Variants in AXL observed in about 807,000 individuals in gnomAD.
The protein encoded by AXL is AXL receptor tyrosine kinase, also known as tyrosine-protein kinase receptor UFO.
A neutral mutation model predicts 104.5 loss-of-function variants in AXL; 52 were observed. The observed-to-expected ratio is 0.50, with a 90% CI of 0.40 to 0.63. The LOEUF (loss-of-function observed/expected upper bound fraction) is 0.63, where lower values mean the gene tolerates loss of function less well. Among genes scored for constraint, AXL ranks in the 20% least tolerant of loss-of-function variants. The pLI, the probability that AXL is intolerant of heterozygous loss-of-function variation, is 0.00. For synonymous variants in AXL, 455 were observed against 473.7 expected (o/e 0.96, Z 0.51); for missense variants, 1,024 against 1,188.5 (o/e 0.86, Z 2.04).
chr19:41,232,795 A>G (rs1418689687), intron 6 of AXL, among the ~76,000 whole-genome samples: 1 of 151,958 alleles, frequency 6.6e-6, no homozygotes, highest in Non-Finnish European at 1.5e-5. Context: ...AGAATGACCA[A>G]TTTCTACTGA....
chr19:41,221,087 C>A (rs2122196500), intron 2 of AXL, 59 bp from the exon 3 acceptor site: 2 of 1,494,866 alleles, frequency 1.3e-6, no homozygotes, highest in South Asian at 1.2e-5. Flanking sequence ...TCTGACAGAC[C>A]CCCTCCCAGT....
At chr19:41,256,024 C>T (rs201369651) in intron 17 of AXL, among the ~76,000 whole-genome samples, 4 of 152,142 alleles carry the variant, frequency 2.6e-5, no homozygotes, top group South Asian at 2.1e-4. Context: ...GGATTACAGG[C>T]GCCAGCCACC....
intron 14 of AXL, among the ~76,000 whole-genome samples, chr19:41,249,967 C>T (rs1013521836): frequency 6.6e-6 from 1 of 152,090 alleles, no homozygotes; most frequent in Non-Finnish European, 1.5e-5. Context: ...TTTCAGGGGC[C>T]GGCCCACTGT....
intron 18 of AXL, 145 bp from the exon 19 acceptor site, chr19:41,257,348 T>G: frequency 8.4e-7 from 1 of 1,190,352 alleles, no homozygotes; most frequent in Non-Finnish European, 1.2e-6. Flanking sequence ...CCGGCTAAAG[T>G]ATTATGTTTC....
rs2033983887 is a variant in AXL at position 41,231,276 on chromosome 19, C to A, written c.761C>A (p.Pro254His). The A allele has an allele frequency of 6.2e-7, 1 of 1,613,690 alleles. No individual in the cohort carries two copies. The highest frequency in any genetic ancestry group is 8.5e-7 in the Non-Finnish European group (1 of 1,179,716). ...ACTCCAGGCCTGAGCGGCATCTACC[C>A]CCTGACCCACTGCACCCTGCAGGTG... ...AWTPGLSGIY[P>H]LTHCTLQAVL... The change falls in exon 6 of 20, where the codon CCC (proline) becomes CAC (histidine). Residue 254 changes from proline to histidine, a missense_variant. Physicochemically the swap from Pro to His is moderately conservative, Grantham distance 77 (BLOSUM62 -2). This residue lies in a region of AXL where 332 missense variants were observed against 343.9 expected (regional missense o/e 0.97). Transcript: ENST00000301178.
At chr19:41,259,494 C>A in intron 19 of AXL, 59 bp from the exon 20 acceptor site, 1 of 1,456,312 alleles carries the variant, frequency 6.9e-7, no homozygotes, top group East Asian at 2.3e-5. Flanking sequence ...CCCAGGCTTC[C>A]AGAATGCACC....
rs116683121 is a variant in AXL at position 41,227,920 on chromosome 19, G to C, written c.587-3047G>C. On this transcript the variant is annotated intron_variant, in intron 4 of 19. Transcript: ENST00000301178. ...ACAGCACTGAGATGCTGGACAAAGG[G>C]GGGATTCACGTTCTAGGCCAACCAG... is the stretch of plus-strand genomic sequence containing the variant. Among the ~76,000 whole-genome samples, 112 of 152,292 alleles carry C rather than the reference G, an allele frequency of 7.4e-4. 3 individuals carry two copies. Among genetic ancestry groups the C allele is most frequent in the African/African-American group, 2.6e-3 (109 of 41,562 alleles).
In AXL at chr19:41,260,763, T is replaced by C. The variant is rs2034527225; in HGVS notation, c.*859T>C. On this transcript the variant is annotated 3_prime_UTR_variant, in exon 20 of 20. Coordinates refer to ENST00000301178, the MANE Select transcript of AXL (RefSeq NM_021913.5). ...CTATGAGTCTAGATGTTTATTCTTC[T>C]AGAGTTCAGAGTCCTTAAAATGTAA... is the stretch of plus-strand genomic sequence containing the variant. 4 of 152,344 alleles carry C rather than the reference T, an allele frequency of 2.6e-5. No homozygotes were observed. The South Asian group carries it at 8.3e-4, about 32-fold the overall frequency. The allele number at this position is 152,344 out of a possible 1,614,324, so 9.4% of individuals were successfully genotyped here.
intron 4 of AXL, among the ~76,000 whole-genome samples, chr19:41,227,549 G>A (rs1357424840): frequency 6.7e-6 from 1 of 150,186 alleles, no homozygotes; most frequent in East Asian, 2.0e-4. Context: ...GCAGTGTGGC[G>A]ACCTTGGCTC....
rs1342974419 is a variant in AXL, at chr19:41,260,876, GTC to G, written c.*974_*975del. 6.6e-6 allele frequency: 1 copy of G among 152,124 alleles called. No individual in the cohort carries two copies. The highest frequency in any genetic ancestry group is 1.5e-5 in the Non-Finnish European group (1 of 68,012). 9.4% of individuals were successfully genotyped at this position (152,124 alleles called of 1,614,324 possible). A position where few individuals can be genotyped will look rare whatever the true frequency, so the allele number is the denominator to read the frequency against. ...AATGTGATGTTCTAAGGCTCTGAGA[GTC>G]TAGATTCTCTGGCTGTAAGGCTCTA... On this transcript the variant is annotated 3_prime_UTR_variant, in exon 20 of 20. Transcript: ENST00000301178.
In AXL at chr19:41,219,411, A is replaced by G. The variant is rs2033743334; in HGVS notation, c.19A>G (p.Arg7Gly). The G allele has an allele frequency of 1.2e-6, 2 of 1,603,176 alleles. No individual in the cohort carries two copies. Among genetic ancestry groups the G allele is most frequent in the East Asian group, 2.3e-5 (1 of 44,396 alleles). The change falls in exon 1 of 20, where the codon AGG (arginine) becomes GGG (glycine). Residue 7 changes from arginine to glycine, a missense_variant. This residue lies in a region of AXL where 124 missense variants were observed against 115.5 expected (regional missense o/e 1.07). Transcript: ENST00000301178. ...GGCACCCATGGCGTGGCGGTGCCCC[A>G]GGATGGGCAGGGTCCCGCTGGCCTG... The part of the protein sequence containing the change: MAWRCP[R>G]MGRVPLAWCL...
chr19:41,231,343 C>T, intron 6 of AXL, 45 bp downstream of exon 6: 1 of 1,515,920 alleles, frequency 6.6e-7, no homozygotes, highest in South Asian at 1.2e-5. Context: ...GGCCTCCTTC[C>T]ACCCACATCC....
At chr19:41,230,806 A>G (rs973669684) in intron 4 of AXL, among the ~76,000 whole-genome samples, 161 bp from the exon 5 acceptor site, 2 of 151,620 alleles carry the variant, frequency 1.3e-5, no homozygotes, top group Admixed American at 6.6e-5. Context: ...TGTGTTCCTA[A>G]CTCATTGCCC....
intron 12 of AXL, 98 bp downstream of exon 12, chr19:41,243,805 T>C: frequency 9.9e-7 from 1 of 1,008,540 alleles, no homozygotes; most frequent in East Asian, 2.4e-5. Flanking sequence ...CAAAAGTTTC[T>C]AAAGGCCTTG....
intron 4 of AXL, among the ~76,000 whole-genome samples, chr19:41,226,099 G>A (rs1007107971): frequency 2.0e-4 from 31 of 152,330 alleles, no homozygotes; most frequent in Admixed American, 1.9e-3. Context: ...TTCACTCAAG[G>A]TGCGGCCGTT....
At position 41,244,983 on chromosome 19, in the gene AXL, T is replaced by G. The variant is rs936137392; in HGVS notation, c.1537+1276T>G. 1.3e-3 allele frequency among the ~76,000 whole-genome samples: 196 copies of G among 151,314 alleles called. 1 individual carries two copies. Among genetic ancestry groups the G allele is most frequent in the African/African-American group, 4.5e-3 (187 of 41,224 alleles). On this transcript the variant is annotated intron_variant, in intron 12 of 19. Transcript: ENST00000301178. ...TCTTGCTCTGTCACCCAGGATGGAG[T>G]GCAGTGGCTTGATCTTGGCTCACTG...
At chr19:41,220,509 T>G in intron 1 of AXL, 127 bp from the exon 2 acceptor site, 1 of 764,930 alleles carries the variant, frequency 1.3e-6, no homozygotes, top group Non-Finnish European at 2.1e-6. Context: ...GAGGTCACTC[T>G]GCAACTATGT....
intron 17 of AXL, among the ~76,000 whole-genome samples, chr19:41,255,797 T>G (rs562050062): frequency 2.0e-5 from 3 of 151,924 alleles, no homozygotes; most frequent in Admixed American, 6.6e-5. Context: ...CAGGCTGGAG[T>G]GCAGTGGCGT....
Position 41,252,346 on chromosome 19 carries a change from T to G in AXL, c.1712-5T>G. ...CCTCCTCACGACCTTTCTCTCTCCCTCAAGTTGCCATCTGCACGAGGTCAG... is the reference window on the plus strand; with the variant it reads ...CCTCCTCACGACCTTTCTCTCTCCCGCAAGTTGCCATCTGCACGAGGTCAG... On this transcript the variant is annotated splice_region_variant and splice_polypyrimidine_tract_variant and intron_variant, in intron 14 of 19. Transcript: ENST00000301178. The G allele has an allele frequency of 6.2e-7, 1 of 1,613,404 alleles. No homozygotes were observed. The highest frequency in any genetic ancestry group is 8.5e-7 in the Non-Finnish European group (1 of 1,179,724).
Sources: gnomAD v4.1 joint callset for allele counts (sites outside exome capture counted in the v4.1 genomes callset) on GRCh38, gnomAD v4.1.1 for gene constraint, gnomAD v4.1.1 regional missense constraint, MANE v1.5 for transcripts, NCBI Gene and HGNC (gene_info 2026-07-23, HGNC 2026-07-21) for gene names.